CEP170: variants seen among roughly 807,000 people sequenced by gnomAD.
The protein encoded by CEP170 is centrosomal protein of 170 kDa.
In CEP170, 21 loss-of-function variants were observed where a neutral mutation model predicts 151.9. The observed-to-expected ratio is 0.14, with a 90% CI of 0.10 to 0.20. The LOEUF is 0.20. CEP170 is among the 10% of genes least tolerant of loss of function. The probability of loss-of-function intolerance (pLI) is 1.00; values close to 1 mark genes in which losing one functional copy is unlikely to be tolerated. For synonymous variants in CEP170, 356 were observed against 648.8 expected, an observed-to-expected ratio of 0.55 and a Z score of 6.86; for missense variants, 964 against 1,892.9, an observed-to-expected ratio of 0.51 and a Z score of 9.11.
chr1:243,253,234 C>T (rs1346321556), intron 1 of CEP170: 1 of 152,182 alleles, frequency 6.6e-6, no homozygotes, highest in Non-Finnish European at 1.5e-5. Flanking sequence ...AGGAGGATTA[C>T]TACTTTTACA....
intron 8 of CEP170, among the ~76,000 whole-genome samples, chr1:243,187,860 G>A (rs905955642): frequency 6.6e-6 from 1 of 152,116 alleles, no homozygotes; most frequent in African/African-American, 2.4e-5. Flanking sequence ...AAAAGTAATA[G>A]GCAAGGGAAA....
At chr1:243,161,765 C>T (rs2058086240) in intron 13 of CEP170, among the ~76,000 whole-genome samples, 2 of 152,106 alleles carry the variant, frequency 1.3e-5, no homozygotes, top group Non-Finnish European at 2.9e-5. Flanking sequence ...AAAGTTTATA[C>T]TGTGCACAGC....
intron 14 of CEP170, among the ~76,000 whole-genome samples, chr1:243,155,347 T>C (rs1052454370): frequency 3.6e-5 from 5 of 140,218 alleles, no homozygotes; most frequent in Non-Finnish European, 6.5e-5. Flanking sequence ...AACATTAACA[T>C]AGAGTAAAAG....
intron 1 of CEP170, among the ~76,000 whole-genome samples, chr1:243,247,036 C>T (rs1465226420): frequency 1.3e-5 from 2 of 152,124 alleles, no homozygotes; most frequent in Admixed American, 1.3e-4. Flanking sequence ...AGACTCATTT[C>T]CCCCACCCTC....
intron 11 of CEP170, among the ~76,000 whole-genome samples, chr1:243,170,121 T>C (rs1429397459): frequency 6.6e-6 from 1 of 152,028 alleles, no homozygotes; most frequent in Non-Finnish European, 1.5e-5. Flanking sequence ...GGTGTGGTGG[T>C]TGATGCCTGT....
At chr1:243,166,171 A>G (rs2058426776) in intron 12 of CEP170, 55 bp from the exon 13 acceptor site, 1 of 1,572,264 alleles carries the variant, frequency 6.4e-7, no homozygotes, top group Non-Finnish European at 8.6e-7. Flanking sequence ...AAATAAAAAT[A>G]AAAGGAGCAT....
At chr1:243,139,899 C>G in intron 16 of CEP170, 38 bp downstream of exon 16, 3 of 1,596,070 alleles carry the variant, frequency 1.9e-6, no homozygotes, top group Non-Finnish European at 2.6e-6. Context: ...ATGGAATATG[C>G]TGCTTCTGCC....
At chr1:243,180,119 T>C (rs1322030984) in intron 10 of CEP170, among the ~76,000 whole-genome samples, 2 of 152,110 alleles carry the variant, frequency 1.3e-5, no homozygotes, top group African/African-American at 4.8e-5. Context: ...ATATATATTT[T>C]CCACAATAAA....
rs1192740782 is a variant in CEP170, at chr1:243,164,498, A to T, written c.3462T>A (p.Arg1154=). Residue 1154 remains arginine (R), a synonymous_variant, in exon 13 of 20, where the codon CGT becomes CGA. Coordinates refer to ENST00000366542, the MANE Select transcript of CEP170 (RefSeq NM_014812.3). ...ISRIDLLAQP[R]RTRLGSLSAR... ...CTGACAGTGAGCCAAGTCGTGTTCT[A>T]CGAGGCTGAGCCAATAAATCAATCC... 8 of 1,610,940 alleles carry T rather than the reference A, an allele frequency of 5.0e-6. No homozygotes were observed. The South Asian group carries it at 8.8e-5, about 18-fold the overall frequency.
chr1:243,155,839 TATACTATTAC>T (rs2057496837), intron 14 of CEP170, among the ~76,000 whole-genome samples: 3 of 152,138 alleles, frequency 2.0e-5, no homozygotes, highest in African/African-American at 7.2e-5. Context: ...CTCTAAAAGG[TATACTATTAC>T]ATCTTTGGAA....
In CEP170 at chr1:243,132,387, G is replaced by A. The variant is rs183209212; in HGVS notation, c.4320-2934C>T. ...TAATCTATTATACGCTATCTTGTAC[G>A]ACAGTTGATTGCATATGTGCCTCAC... On this transcript the variant is annotated intron_variant, in intron 17 of 19. Transcript: ENST00000366542. Among the ~76,000 whole-genome samples the A allele has an allele frequency of 1.1e-3, 169 of 152,124 alleles. 1 individual carries two copies. Among genetic ancestry groups the A allele is most frequent in the African/African-American group, 3.8e-3 (158 of 41,500 alleles).
chr1:243,190,880 T>C (rs1397135054), intron 8 of CEP170, 138 bp downstream of exon 8: 2 of 1,349,540 alleles, frequency 1.5e-6, no homozygotes, highest in Non-Finnish European at 2.0e-6. Context: ...GCTTCCTGTT[T>C]AGTTTTAAGA....
At chr1:243,196,738 G>A (rs538748892) in intron 7 of CEP170, among the ~76,000 whole-genome samples, 7 of 152,230 alleles carry the variant, frequency 4.6e-5, no homozygotes, top group African/African-American at 1.7e-4. Flanking sequence ...CACAGTGATA[G>A]TATATTATGC....
At chr1:243,189,556 C>CA (rs55684224) in intron 8 of CEP170, among the ~76,000 whole-genome samples, 5,357 of 65,420 alleles carry the variant, frequency 0.082, 170 homozygotes, top group Middle Eastern at 0.19. Flanking sequence ...ACTCTGTCTC[C>CA]AAAAAAAAAA....
At chr1:243,136,907 A>T (rs1377589475) in intron 16 of CEP170, among the ~76,000 whole-genome samples, 2 of 152,034 alleles carry the variant, frequency 1.3e-5, no homozygotes, top group Non-Finnish European at 2.9e-5. Context: ...GGAAACACAC[A>T]TTTTGAAAAA....
At chr1:243,245,734 C>CA (rs922089376) in intron 1 of CEP170, among the ~76,000 whole-genome samples, 1 of 148,044 alleles carries the variant, frequency 6.8e-6, no homozygotes, top group Non-Finnish European at 1.5e-5. Flanking sequence ...AACAAACAAA[C>CA]AAAAAACAAA....
At position 243,136,180 on chromosome 1, in the gene CEP170, T is replaced by G; in HGVS notation, c.4282A>C (p.Ile1428Leu). ...LSSVFQFSKK[I>L]RQSIDKTAGK... ...GCTGTCTTATCTATAGATTGTCTTA[T>G]CTTCTTAGAGAACTGAAAGACGGAT... is the stretch of plus-strand genomic sequence containing the variant. Residue 1428 changes from isoleucine (I) to leucine (L), a missense_variant, in exon 17 of 20, where the codon ATA (isoleucine) becomes CTA (leucine). By Grantham distance (5) the Ile-to-Leu change is conservative. Transcript: ENST00000366542. The G allele has an allele frequency of 6.5e-7, 1 of 1,536,304 alleles. No individual in the cohort carries two copies. The highest frequency in any genetic ancestry group is 1.2e-5 in the South Asian group (1 of 81,636).
chr1:243,133,748 T>C (rs1301918780), intron 17 of CEP170, among the ~76,000 whole-genome samples: 1 of 152,164 alleles, frequency 6.6e-6, no homozygotes, highest in African/African-American at 2.4e-5. Flanking sequence ...ATTCTCTTAC[T>C]TGTGAAAGAA....
At chr1:243,172,614 A>T in intron 11 of CEP170, 83 bp downstream of exon 11, 1 of 1,216,924 alleles carries the variant, frequency 8.2e-7, no homozygotes, top group Non-Finnish European at 1.1e-6. Flanking sequence ...CCTGGGCAAC[A>T]GAGTGAAACT....
Sources: gnomAD v4.1 joint callset for allele counts (sites outside exome capture counted in the v4.1 genomes callset) on GRCh38, gnomAD v4.1.1 for gene constraint, MANE v1.5 for transcripts, NCBI Gene and HGNC (gene_info 2026-07-23, HGNC 2026-07-21) for gene names.